The following RSPO4 variants were observed in gnomAD, a reference collection of about 807,000 sequenced individuals.
The protein encoded by RSPO4 is R-spondin 4, also known as R-spondin-4.
Under a neutral mutation model 24.8 loss-of-function variants are expected in RSPO4, and 23 were observed. The ratio of observed to expected loss-of-function variants is 0.93; its 90% CI spans 0.67 to 1.31. The LOEUF (loss-of-function observed/expected upper bound fraction) is 1.31. RSPO4 is among the 40% of genes most tolerant of loss of function. The probability of loss-of-function intolerance (pLI) is 0.00; values close to 1 mark genes in which losing one functional copy is unlikely to be tolerated. For missense variants in RSPO4, 333 were observed against 316.5 expected (o/e 1.05, Z -0.39); for synonymous variants, 141 against 127.4 (o/e 1.11, Z -0.72).
At chr20:993,744 T>A (rs1259483067) in intron 1 of RSPO4, among the ~76,000 whole-genome samples, 1 of 152,190 alleles carries the variant, frequency 6.6e-6, no homozygotes, top group Non-Finnish European at 1.5e-5. Context: ...TTGCTAATAT[T>A]TGGCTGTTTA....
rs1983923626 is a variant in RSPO4 at position 959,736 on chromosome 20, C to T, written c.*621G>A. 1 of 152,542 alleles carries T rather than the reference C, an allele frequency of 6.6e-6. No homozygotes were observed. Among genetic ancestry groups the T allele is most frequent in the South Asian group, 2.1e-4 (1 of 4,842 alleles). 9.4% of individuals were successfully genotyped at this position (152,542 alleles called of 1,614,324 possible). ...GCCCTGGAGCCTTGTCCAGCCAGCT[C>T]CTCGGGGTGGCTGGTGGCTGAAGGC... is the stretch of plus-strand genomic sequence containing the variant. On this transcript the variant is annotated 3_prime_UTR_variant, in exon 5 of 5. Coordinates refer to ENST00000217260, the MANE Select transcript of RSPO4 (RefSeq NM_001029871.4).
chr20:975,218 C>T (rs1014464162), intron 1 of RSPO4, among the ~76,000 whole-genome samples: 1 of 152,230 alleles, frequency 6.6e-6, no homozygotes, highest in African/African-American at 2.4e-5. Context: ...CACCCTGGTG[C>T]TCCAGGGGAC....
At chr20:967,899 A>G in intron 2 of RSPO4, 51 bp downstream of exon 2, 1 of 1,542,762 alleles carries the variant, frequency 6.5e-7, no homozygotes, top group Non-Finnish European at 9.0e-7. Flanking sequence ...ATCTAAGCCC[A>G]TGGTGTCTAG....
chr20:967,178 G>C lies in RSPO4; in HGVS notation c.405C>G (p.Cys135Trp). 1.2e-6 allele frequency: 2 copies of C among 1,613,456 alleles called. No individual in the cohort carries two copies. The highest frequency in any genetic ancestry group is 1.7e-6 in the Non-Finnish European group (2 of 1,179,902). The change falls in exon 3 of 5, where the codon TGC becomes TGG. Residue 135 changes from cysteine to tryptophan, a missense_variant. Transcript: ENST00000217260. ...GTLAHQNTRE[C>W]QGECELGPWG... ...GGCGGGGAGGTCCCCACTCACCCTG[G>C]CACTCCCGTGTGTTCTGGTGGGCCA...
At position 968,250 on chromosome 20, in the gene RSPO4, C is replaced by T. The variant is rs1264718064; in HGVS notation, c.80-112G>A. On this transcript the variant is annotated intron_variant, in intron 1 of 4. Coordinates refer to ENST00000217260, the MANE Select transcript of RSPO4 (RefSeq NM_001029871.4). ...GGGATAGTAACTGGGCACATGGCCA[C>T]CCAAACAAAAGACTACATTTCCCAC... 7.5e-6 allele frequency: 7 copies of T among 929,636 alleles called. No individual in the cohort carries two copies. In the East Asian group the frequency reaches 1.3e-4, roughly 17 times the overall value. The allele number at this position is 929,636 out of a possible 1,614,324, so 57.6% of individuals were successfully genotyped here.
At chr20:997,630 C>T (rs998356268) in intron 1 of RSPO4, among the ~76,000 whole-genome samples, 8 of 152,230 alleles carry the variant, frequency 5.3e-5, no homozygotes, top group Non-Finnish European at 7.3e-5. Flanking sequence ...AGGGGACATA[C>T]TTTGTTCGTG....
chr20:961,461 C>T (rs1438364947), intron 4 of RSPO4, among the ~76,000 whole-genome samples: 1 of 152,188 alleles, frequency 6.6e-6, no homozygotes, highest in Non-Finnish European at 1.5e-5. Flanking sequence ...TGCCCGTCTC[C>T]CCAAGAGTCA....
chr20:978,906 C>T (rs577657617), intron 1 of RSPO4, among the ~76,000 whole-genome samples: 68 of 152,206 alleles, frequency 4.5e-4, no homozygotes, highest in African/African-American at 1.6e-3. Flanking sequence ...CAATACAGGA[C>T]ACCTAAGGGG....
intron 1 of RSPO4, among the ~76,000 whole-genome samples, chr20:994,643 G>A (rs546646727): frequency 2.4e-4 from 36 of 152,188 alleles, no homozygotes; most frequent in Non-Finnish European, 4.7e-4. Flanking sequence ...TGCAACCTTT[G>A]CTTTCCAGGT....
intron 1 of RSPO4, among the ~76,000 whole-genome samples, chr20:999,747 G>A (rs1985403744): frequency 6.6e-6 from 1 of 152,166 alleles, no homozygotes. Context: ...GGGAGGTGGT[G>A]GTGAGCTGTA....
intron 1 of RSPO4, among the ~76,000 whole-genome samples, chr20:996,699 G>C (rs1985303168): frequency 6.6e-6 from 1 of 152,200 alleles, no homozygotes; most frequent in Non-Finnish European, 1.5e-5. Flanking sequence ...ACCCAGCCCA[G>C]GGCCTGGCCC....
At chr20:966,659 A>C (rs1466144950) in intron 3 of RSPO4, among the ~76,000 whole-genome samples, 1 of 152,124 alleles carries the variant, frequency 6.6e-6, no homozygotes, top group Non-Finnish European at 1.5e-5. Flanking sequence ...GCCCAGGGGC[A>C]GCCTGGGCAA....
In RSPO4 at chr20:970,124, G is replaced by A. The variant is rs746998212; in HGVS notation, c.80-1986C>T. Among the ~76,000 whole-genome samples, 3 of 152,168 alleles carry A rather than the reference G, an allele frequency of 2.0e-5. No individual in the cohort carries two copies. Among genetic ancestry groups the A allele is most frequent in the Non-Finnish European group, 4.4e-5 (3 of 68,030 alleles). On this transcript the variant is annotated intron_variant, in intron 1 of 4. Transcript: ENST00000217260. The surrounding 1 kb of genome is among the most constrained non-coding windows in gnomAD (Gnocchi z 4.1). Reference sequence around the variant, plus strand: ...TGGCAGCAGGTGAGAGCTAACGAAAGCCCGGTCAGATACACATTCTGGTGA... The same window carrying A: ...TGGCAGCAGGTGAGAGCTAACGAAAACCCGGTCAGATACACATTCTGGTGA...
At chr20:961,926 A>C (rs1008169250) in intron 4 of RSPO4, among the ~76,000 whole-genome samples, 2 of 151,312 alleles carry the variant, frequency 1.3e-5, no homozygotes, top group Admixed American at 1.3e-4. Flanking sequence ...CTACCTACCT[A>C]CCCACCCACC....
chr20:960,476 G>T lies in RSPO4; in HGVS notation c.596-10C>A, dbSNP rs576270623. On this transcript the variant is annotated splice_polypyrimidine_tract_variant and intron_variant, in intron 4 of 4. Transcript: ENST00000217260. ...TGGCCGGGGCTCCTCTCTGCAATGA[G>T]AGGACAGAGCCCGGTGACCAAGGCT... is the stretch of plus-strand genomic sequence containing the variant. 40 of 1,534,196 alleles carry T rather than the reference G, an allele frequency of 2.6e-5. No individual in the cohort carries two copies. In the South Asian group the frequency reaches 4.6e-4, roughly 18 times the overall value.
chr20:995,707 A>C (rs2122274617), intron 1 of RSPO4, among the ~76,000 whole-genome samples: 1 of 152,272 alleles, frequency 6.6e-6, no homozygotes, highest in Non-Finnish European at 1.5e-5. Flanking sequence ...ACTGGGCCTC[A>C]GTCTCCTCAT....
chr20:985,136 T>TATCC (rs202072662), intron 1 of RSPO4, among the ~76,000 whole-genome samples: 2,375 of 116,000 alleles, frequency 0.02, 52 homozygotes, highest in Non-Finnish European at 0.031. Flanking sequence ...CCCACTCATC[T>TATCC]ATCCATCCAT....
intron 1 of RSPO4, among the ~76,000 whole-genome samples, chr20:984,022 T>C (rs956143116): frequency 1.3e-5 from 2 of 152,212 alleles, no homozygotes; most frequent in South Asian, 2.1e-4. Context: ...CCTCCTCACC[T>C]TACATAATTA....
At chr20:986,456 C>A (rs1303745756) in intron 1 of RSPO4, among the ~76,000 whole-genome samples, 1 of 151,966 alleles carries the variant, frequency 6.6e-6, no homozygotes, top group Non-Finnish European at 1.5e-5. Context: ...CCCTACAGGG[C>A]AAATCAGTGG....
Sources: allele counts gnomAD v4.1 joint callset (sites outside exome capture counted in the v4.1 genomes callset), GRCh38; gene constraint gnomAD v4.1.1; non-coding constraint Gnocchi (gnomAD v3.1); transcripts MANE v1.5; gene names NCBI Gene and HGNC (gene_info 2026-07-23, HGNC 2026-07-21).